The following GPC5 variants were observed in gnomAD, a reference collection of about 807,000 sequenced individuals.
GPC5 encodes glypican-5.
A neutral mutation model predicts 53.9 loss-of-function variants in GPC5; 47 were observed. The ratio of observed to expected loss-of-function variants is 0.87; its 90% CI spans 0.69 to 1.11. The LOEUF is 1.11. GPC5 is among the 50% of genes most tolerant of loss of function. The probability of loss-of-function intolerance (pLI) is 0.00; values close to 1 mark genes in which losing one functional copy is unlikely to be tolerated. For synonymous variants in GPC5, 286 were observed against 263.3 expected (o/e 1.09, Z -0.84); for missense variants, 748 against 713.1 (o/e 1.05, Z -0.56).
At chr13:92,067,108 T>C (rs1325641081) in intron 6 of GPC5, among the ~76,000 whole-genome samples, 1 of 152,114 alleles carries the variant, frequency 6.6e-6, no homozygotes. Flanking sequence ...AAAGTCTTTC[T>C]TGTTATTTTA....
chr13:92,337,794 T>C (rs1050123486), intron 7 of GPC5, among the ~76,000 whole-genome samples: 7 of 152,140 alleles, frequency 4.6e-5, no homozygotes, highest in African/African-American at 1.7e-4. Flanking sequence ...CTTTACACCC[T>C]TCACAAAAAT....
At chr13:92,199,639 C>T (rs1744190713) in intron 7 of GPC5, among the ~76,000 whole-genome samples, 1 of 151,796 alleles carries the variant, frequency 6.6e-6, no homozygotes, top group Non-Finnish European at 1.5e-5. Flanking sequence ...ATTTTATAGG[C>T]AAATATTAAA....
chr13:92,796,869 A>G (rs1293764510), intron 7 of GPC5, among the ~76,000 whole-genome samples: 1 of 151,934 alleles, frequency 6.6e-6, no homozygotes, highest in Non-Finnish European at 1.5e-5. Context: ...CTAACTTTTA[A>G]TGAAAAATCA....
At chr13:91,795,304 C>T (rs1043493409) in intron 5 of GPC5, among the ~76,000 whole-genome samples, 2 of 152,038 alleles carry the variant, frequency 1.3e-5, no homozygotes, top group African/African-American at 4.8e-5. Flanking sequence ...TCAAATAAGC[C>T]ATGCACTTTA....
chr13:92,634,032 G>A (rs548762904), intron 7 of GPC5, among the ~76,000 whole-genome samples: 101 of 152,120 alleles, frequency 6.6e-4, no homozygotes, highest in Non-Finnish European at 1.2e-3. Flanking sequence ...AGATAATACT[G>A]TGATATTTAT....
intron 2 of GPC5, among the ~76,000 whole-genome samples, chr13:91,487,929 G>GT (rs10684260): frequency 0.79 from 116,367 of 147,048 alleles, 47,957 homozygotes; most frequent in Middle Eastern, 0.93. Flanking sequence ...ATTTAAACAG[G>GT]TTTTTTTTTT....
intron 6 of GPC5, among the ~76,000 whole-genome samples, chr13:91,930,045 TG>T (rs1309428751): frequency 2.0e-5 from 3 of 152,062 alleles, no homozygotes; most frequent in African/African-American, 7.2e-5. Context: ...CCTTTATAAT[TG>T]GGTGCATAAT....
chr13:92,000,863 G>A (rs754805150), intron 6 of GPC5, among the ~76,000 whole-genome samples: 11 of 152,118 alleles, frequency 7.2e-5, no homozygotes, highest in Admixed American at 1.3e-4. Flanking sequence ...AATGTTACAC[G>A]CCATGCCATT....
intron 5 of GPC5, among the ~76,000 whole-genome samples, chr13:91,756,720 T>G (rs2037301065): frequency 6.6e-6 from 1 of 152,186 alleles, no homozygotes; most frequent in South Asian, 2.1e-4. Context: ...GTCTGTCTGT[T>G]GTTTACCAAA....
chr13:91,809,172 T>A (rs1185372961), intron 5 of GPC5, among the ~76,000 whole-genome samples: 1 of 152,168 alleles, frequency 6.6e-6, no homozygotes, highest in Non-Finnish European at 1.5e-5. Context: ...GCATTATACT[T>A]ACACAACATC....
intron 7 of GPC5, among the ~76,000 whole-genome samples, chr13:92,380,733 G>A (rs1305414208): frequency 7.6e-6 from 1 of 132,416 alleles, no homozygotes; most frequent in Non-Finnish European, 1.5e-5. Context: ...ACAGGAAGGG[G>A]AACATCACAC....
chr13:92,426,927 T>G (rs1371847740), intron 7 of GPC5, among the ~76,000 whole-genome samples: 1 of 151,958 alleles, frequency 6.6e-6, no homozygotes, highest in African/African-American at 2.4e-5. Flanking sequence ...ACTAGTTAAA[T>G]CATTCAGGAA....
At chr13:92,491,262 A>G (rs1202939278) in intron 7 of GPC5, among the ~76,000 whole-genome samples, 1 of 152,122 alleles carries the variant, frequency 6.6e-6, no homozygotes, top group African/African-American at 2.4e-5. Context: ...ATTACAAGCT[A>G]TACAGAAAAA....
At chr13:92,304,495 C>A (rs2043097794) in intron 7 of GPC5, among the ~76,000 whole-genome samples, 1 of 152,078 alleles carries the variant, frequency 6.6e-6, no homozygotes, top group African/African-American at 2.4e-5. Context: ...TGAGCCACTG[C>A]ACTCCACCCT....
Position 92,468,420 on chromosome 13 carries a change from C to T in GPC5, c.1561+323431C>T, listed in dbSNP as rs534379227. Among the ~76,000 whole-genome samples, 368 of 152,162 alleles carry T rather than the reference C, an allele frequency of 2.4e-3. 2 individuals carry two copies. The highest frequency in any genetic ancestry group is 8.0e-3 in the African/African-American group (334 of 41,536). On this transcript the variant is annotated intron_variant, in intron 7 of 7. Transcript: ENST00000377067. ...GAGAGCCTGTTAGTCTGGGGAGAAA[C>T]AGTAACTTGTCTTTTCATTTCTGCT...
At chr13:92,312,493 A>T (rs1319242629) in intron 7 of GPC5, among the ~76,000 whole-genome samples, 1 of 152,200 alleles carries the variant, frequency 6.6e-6, no homozygotes, top group African/African-American at 2.4e-5. Flanking sequence ...ATTTATTTTC[A>T]TTTCATACAC....
intron 7 of GPC5, among the ~76,000 whole-genome samples, chr13:92,279,086 G>T (rs568475193): frequency 2.9e-4 from 44 of 151,910 alleles, no homozygotes; most frequent in Non-Finnish European, 5.2e-4. Flanking sequence ...TGATTGAGTT[G>T]CACTGAATCT....
At chr13:92,237,778 T>C (rs2042581049) in intron 7 of GPC5, among the ~76,000 whole-genome samples, 1 of 152,056 alleles carries the variant, frequency 6.6e-6, no homozygotes, top group Non-Finnish European at 1.5e-5. Context: ...TTTAGAACAT[T>C]TTCATCACCC....
At chr13:91,947,939 C>A (rs959624530) in intron 6 of GPC5, among the ~76,000 whole-genome samples, 2 of 151,918 alleles carry the variant, frequency 1.3e-5, no homozygotes, top group Admixed American at 1.3e-4. Context: ...ATCACGAGGT[C>A]GGGAGATTGA....
Sources: allele counts gnomAD v4.1 joint callset (sites outside exome capture counted in the v4.1 genomes callset), GRCh38; gene constraint gnomAD v4.1.1; transcripts MANE v1.5; gene names NCBI Gene and HGNC (gene_info 2026-07-23, HGNC 2026-07-21).